TYW1: variants seen among roughly 807,000 people sequenced by gnomAD.
The protein encoded by TYW1 is tRNA-yW synthesizing protein 1 homolog.
TYW1 carries 46 observed loss-of-function variants against 96.2 expected under a neutral mutation model. That is an observed-to-expected ratio of 0.48 (90% CI 0.38 to 0.61). The LOEUF is 0.61. TYW1 is among the 20% of genes least tolerant of loss of function. The pLI is 0.00. For missense variants in TYW1, 684 were observed against 909.6 expected (o/e 0.75, Z 3.19); for synonymous variants, 274 against 323.0 (o/e 0.85, Z 1.63).
In TYW1 at chr7:67,144,558, A is replaced by C. The variant is rs370781985; in HGVS notation, c.1698+26940A>C. Among the ~76,000 whole-genome samples, 101 of 151,510 alleles carry C rather than the reference A, an allele frequency of 6.7e-4. 1 individual carries two copies. The highest frequency in any genetic ancestry group is 2.4e-3 in the African/African-American group (97 of 41,240). Reference sequence around the variant, plus strand: ...ATGATCTCAGCTCACTGCAGCCTCCACCTCCCGACTCAAGCAATCCTCCTG... The same window carrying C: ...ATGATCTCAGCTCACTGCAGCCTCCCCCTCCCGACTCAAGCAATCCTCCTG... On this transcript the variant is annotated intron_variant, in intron 13 of 15. Coordinates refer to ENST00000359626, the MANE Select transcript of TYW1 (RefSeq NM_018264.4).
chr7:67,118,577 C>T (rs1439680351), intron 13 of TYW1, among the ~76,000 whole-genome samples: 3 of 151,682 alleles, frequency 2.0e-5, no homozygotes, highest in Admixed American at 6.6e-5. Context: ...TATGGAGGAC[C>T]GACTACACGT....
At chr7:67,008,272 C>A (rs1793672150) in intron 3 of TYW1, among the ~76,000 whole-genome samples, 1 of 152,208 alleles carries the variant, frequency 6.6e-6, no homozygotes, top group Admixed American at 6.5e-5. Flanking sequence ...AGTCAACAGT[C>A]TCCATTGTTC....
intron 10 of TYW1, among the ~76,000 whole-genome samples, chr7:67,075,863 CT>C (rs1796186778): frequency 6.6e-6 from 1 of 152,178 alleles, no homozygotes; most frequent in Admixed American, 6.5e-5. Flanking sequence ...TCCTCCCCAT[CT>C]AATTAAGAAT....
At chr7:67,105,624 G>A (rs1032084064) in intron 12 of TYW1, among the ~76,000 whole-genome samples, 12 of 152,240 alleles carry the variant, frequency 7.9e-5, no homozygotes, top group Admixed American at 2.6e-4. Context: ...CACTCCTCCC[G>A]TCTTGCTGTT....
intron 15 of TYW1, among the ~76,000 whole-genome samples, chr7:67,225,217 A>G (rs1227064864): frequency 8.0e-5 from 12 of 149,358 alleles, no homozygotes; most frequent in Non-Finnish European, 1.3e-4. Context: ...AAAAAAAAGT[A>G]GAAGTCTTGT....
intron 7 of TYW1, among the ~76,000 whole-genome samples, chr7:67,030,198 T>A (rs1794627556): frequency 6.6e-6 from 1 of 152,226 alleles, no homozygotes; most frequent in African/African-American, 2.4e-5. Flanking sequence ...TATTTCCTTT[T>A]CTCAAAGGTC....
chr7:67,211,348 G>A (rs1801015279), intron 15 of TYW1, among the ~76,000 whole-genome samples: 1 of 152,140 alleles, frequency 6.6e-6, no homozygotes, highest in Non-Finnish European at 1.5e-5. Context: ...TGCCATGCTG[G>A]GCACTGGCAG....
intron 13 of TYW1, among the ~76,000 whole-genome samples, chr7:67,180,751 T>G (rs1455057519): frequency 6.6e-6 from 1 of 152,086 alleles, no homozygotes; most frequent in Non-Finnish European, 1.5e-5. Context: ...GAAGCAATTC[T>G]CTTGCCTCAG....
intron 14 of TYW1, among the ~76,000 whole-genome samples, chr7:67,187,610 A>G (rs988082264): frequency 3.0e-4 from 40 of 131,434 alleles, no homozygotes; most frequent in Non-Finnish European, 3.4e-5. Flanking sequence ...TGTTTATAGA[A>G]TATAGCATAC....
intron 15 of TYW1, among the ~76,000 whole-genome samples, chr7:67,229,308 C>T (rs552489071): frequency 1.5e-4 from 23 of 152,104 alleles, no homozygotes; most frequent in Admixed American, 9.8e-4. Flanking sequence ...GAGGCTGAGG[C>T]GGGCGGATCA....
intron 13 of TYW1, among the ~76,000 whole-genome samples, chr7:67,176,464 C>T (rs1035546520): frequency 6.6e-6 from 1 of 151,984 alleles, no homozygotes; most frequent in Admixed American, 6.6e-5. Context: ...GGCCAAGAAG[C>T]GATGGAATTC....
chr7:67,005,224 CTGA>C (rs1467942014), intron 3 of TYW1, among the ~76,000 whole-genome samples: 2 of 152,152 alleles, frequency 1.3e-5, no homozygotes, highest in Non-Finnish European at 2.9e-5. Context: ...ACTGGAGAAT[CTGA>C]TGATTTTGTG....
intron 10 of TYW1, among the ~76,000 whole-genome samples, chr7:67,080,592 G>T (rs1179691199): frequency 6.6e-6 from 1 of 151,928 alleles, no homozygotes; most frequent in Non-Finnish European, 1.5e-5. Flanking sequence ...TAGAGATGGG[G>T]TATCACCATG....
At chr7:67,068,326 A>C (rs915989367) in intron 10 of TYW1, among the ~76,000 whole-genome samples, 3 of 152,144 alleles carry the variant, frequency 2.0e-5, no homozygotes, top group South Asian at 2.1e-4. Flanking sequence ...CCAGCCTACT[A>C]ACCCATTTCT....
chr7:67,114,041 T>A, intron 12 of TYW1, among the ~76,000 whole-genome samples: 1 of 152,222 alleles, frequency 6.6e-6, no homozygotes, highest in Non-Finnish European at 1.5e-5. Flanking sequence ...GTGGTCGTTT[T>A]ATTGTGAGGA....
intron 12 of TYW1, among the ~76,000 whole-genome samples, chr7:67,103,897 A>G (rs1281161296): frequency 6.6e-6 from 1 of 152,234 alleles, no homozygotes; most frequent in Non-Finnish European, 1.5e-5. Context: ...GAGAGAAACA[A>G]GAAGGGCAGC....
chr7:67,118,387 T>G (rs2115982709), intron 13 of TYW1, among the ~76,000 whole-genome samples: 1 of 152,154 alleles, frequency 6.6e-6, no homozygotes, highest in Admixed American at 6.5e-5. Flanking sequence ...TAATCTACAC[T>G]TATCTTCCTG....
At chr7:67,059,470 G>A (rs540024876) in intron 9 of TYW1, among the ~76,000 whole-genome samples, 1 of 151,468 alleles carries the variant, frequency 6.6e-6, no homozygotes, top group South Asian at 2.1e-4. Flanking sequence ...ATTATCATTG[G>A]CTGCAAAGAT....
chr7:67,161,005 T>C (rs1338753814), intron 13 of TYW1, among the ~76,000 whole-genome samples: 1 of 152,220 alleles, frequency 6.6e-6, no homozygotes, highest in Non-Finnish European at 1.5e-5. Flanking sequence ...ACCTCCATGA[T>C]TTCTAATGGT....
Sources: allele counts gnomAD v4.1 joint callset (sites outside exome capture counted in the v4.1 genomes callset), GRCh38; gene constraint gnomAD v4.1.1; transcripts MANE v1.5; gene names NCBI Gene and HGNC (gene_info 2026-07-23, HGNC 2026-07-21).